NT5C2: variants seen among roughly 807,000 people sequenced by gnomAD.
The protein encoded by NT5C2 is cytosolic purine 5'-nucleotidase.
NT5C2 carries 58 observed loss-of-function variants against 76.1 expected under a neutral mutation model. The ratio of observed to expected loss-of-function variants is 0.76; its 90% CI spans 0.62 to 0.95. NT5C2 has a LOEUF of 0.95. Ranked by LOEUF, NT5C2 falls within the 40% of genes least tolerant of loss-of-function variation. NT5C2 has a pLI of 0.00. For synonymous variants in NT5C2, 229 were observed against 237.4 expected (o/e 0.96, Z 0.32); for missense variants, 478 against 690.3 (o/e 0.69, Z 3.45).
chr10:103,119,619 A>T (rs2075236241), intron 4 of NT5C2, among the ~76,000 whole-genome samples: 1 of 152,212 alleles, frequency 6.6e-6, no homozygotes, highest in South Asian at 2.1e-4. Flanking sequence ...ACTTTTCAAC[A>T]AATACATTCC....
At chr10:103,132,549 TTC>T (rs889549300) in intron 4 of NT5C2, among the ~76,000 whole-genome samples, 3 of 152,130 alleles carry the variant, frequency 2.0e-5, no homozygotes, top group African/African-American at 4.8e-5. Context: ...CTAAAGTAAT[TTC>T]TTTTTTTTTT....
chr10:103,094,544 A>C (rs2067690634), intron 12 of NT5C2, 89 bp from the exon 13 acceptor site: 2 of 730,998 alleles, frequency 2.7e-6, no homozygotes, highest in Non-Finnish European at 4.9e-6. Context: ...AGGAATATAA[A>C]AATACTAAGT....
intron 3 of NT5C2, among the ~76,000 whole-genome samples, chr10:103,171,198 A>G (rs1239195750): frequency 6.6e-6 from 1 of 152,220 alleles, no homozygotes; most frequent in Non-Finnish European, 1.5e-5. Flanking sequence ...CATGAGGCAA[A>G]TATCACCAGC....
chr10:103,171,037 T>A (rs546331471), intron 3 of NT5C2, among the ~76,000 whole-genome samples: 1 of 152,298 alleles, frequency 6.6e-6, no homozygotes, highest in South Asian at 2.1e-4. Context: ...AATGTTCTGT[T>A]TTATACTTTA....
intron 4 of NT5C2, among the ~76,000 whole-genome samples, chr10:103,136,587 A>G (rs996198562): frequency 1.3e-5 from 2 of 152,096 alleles, no homozygotes; most frequent in Non-Finnish European, 2.9e-5. Context: ...AGAAGAAATC[A>G]TAAGGTGCAT....
At chr10:103,141,903 C>G (rs1020320509) in intron 3 of NT5C2, among the ~76,000 whole-genome samples, 1 of 152,134 alleles carries the variant, frequency 6.6e-6, no homozygotes, top group Non-Finnish European at 1.5e-5. Context: ...TCAGTAAGTA[C>G]TATAAAATAA....
rs777511963 is a variant in NT5C2, at chr10:103,094,332, C to T, written c.921+16G>A. 9 of 1,457,066 alleles carry T rather than the reference C, an allele frequency of 6.2e-6. No individual in the cohort carries two copies. The highest frequency in any genetic ancestry group is 2.3e-5 in the South Asian group (2 of 87,882). 90.3% of individuals were successfully genotyped at this position (1,457,066 alleles called of 1,614,324 possible). On this transcript the variant is annotated intron_variant, in intron 13 of 18. Coordinates refer to ENST00000404739, the MANE Select transcript of NT5C2 (RefSeq NM_001351169.2). ...AGGACAATGTGCTAGCAAGACAGAT[C>T]ATTCTCATGACTTACAGTATCCACC...
At chr10:103,129,235 G>A (rs1192306672) in intron 4 of NT5C2, among the ~76,000 whole-genome samples, 12 of 98,558 alleles carry the variant, frequency 1.2e-4, no homozygotes, top group Admixed American at 5.5e-4. Context: ...CAGCCACCCC[G>A]TCCGGGAGGG....
chr10:103,156,108 T>G (rs2083312088), intron 3 of NT5C2, among the ~76,000 whole-genome samples: 1 of 151,894 alleles, frequency 6.6e-6, no homozygotes, highest in African/African-American at 2.4e-5. Flanking sequence ...CCACAGTGAG[T>G]TATGATCATG....
At chr10:103,181,697 G>A (rs182438197) in intron 1 of NT5C2, among the ~76,000 whole-genome samples, 1 of 152,252 alleles carries the variant, frequency 6.6e-6, no homozygotes, top group Non-Finnish European at 1.5e-5. Context: ...CGCCCAAACT[G>A]ATAAAAGTAT....
At chr10:103,173,611 C>CA (rs1323084034) in intron 3 of NT5C2, among the ~76,000 whole-genome samples, 3,776 of 42,688 alleles carry the variant, frequency 0.088, 128 homozygotes, top group South Asian at 0.19. Flanking sequence ...GACGCCGTCT[C>CA]AAAAAAAAAA....
In NT5C2 at chr10:103,093,278, T is replaced by C. The variant is rs1371079780; in HGVS notation, c.1020A>G (p.Gly340=). The C allele has an allele frequency of 1.2e-6, 2 of 1,606,206 alleles. No homozygotes were observed. The highest frequency in any genetic ancestry group is 1.7e-5 in the Admixed American group (1 of 58,714). ...TATACAAAATGTCTTTTCCCTTGGCTCCCAACAGGTCACAGATCGTATCAG... is the reference window on the plus strand; with the variant it reads ...TATACAAAATGTCTTTTCCCTTGGCCCCCAACAGGTCACAGATCGTATCAG... ...GSSDTICDLL[G]AKGKDILYIG... The change falls in exon 15 of 19, where the codon GGA becomes GGG. Residue 340 remains glycine (G), a synonymous_variant. Transcript: ENST00000404739.
chr10:103,100,967 A>AC (rs778989148), intron 8 of NT5C2, 78 bp downstream of exon 8: 2 of 856,442 alleles, frequency 2.3e-6, no homozygotes, highest in Non-Finnish European at 3.9e-6. Flanking sequence ...GAAAAGACCT[A>AC]CAATGGCCAG....
At chr10:103,091,089 C>CA in intron 16 of NT5C2, 93 bp from the exon 17 acceptor site, 1 of 1,152,218 alleles carries the variant, frequency 8.7e-7, no homozygotes, top group East Asian at 2.4e-5. Flanking sequence ...GGCTGGAGTG[C>CA]AGGGGTGTGA....
chr10:103,142,461 A>C (rs1336504819), intron 3 of NT5C2, among the ~76,000 whole-genome samples: 1 of 152,114 alleles, frequency 6.6e-6, no homozygotes, highest in Non-Finnish European at 1.5e-5. Flanking sequence ...GCTTGAGCAC[A>C]GGAGTTCGAA....
intron 2 of NT5C2, among the ~76,000 whole-genome samples, chr10:103,179,724 A>G (rs753202205): frequency 6.6e-6 from 1 of 152,190 alleles, no homozygotes; most frequent in Non-Finnish European, 1.5e-5. Flanking sequence ...TAAAACAAAC[A>G]ATAAACCAAC....
intron 4 of NT5C2, among the ~76,000 whole-genome samples, chr10:103,128,934 G>A (rs2077284476): frequency 9.6e-6 from 1 of 104,582 alleles, no homozygotes; most frequent in Non-Finnish European, 2.1e-5. Flanking sequence ...GGGAAGTGAG[G>A]AGCATCTCCG....
chr10:103,121,238 G>A (rs370219452), intron 4 of NT5C2, among the ~76,000 whole-genome samples: 2 of 152,198 alleles, frequency 1.3e-5, no homozygotes. Flanking sequence ...TGTGCTTAAT[G>A]CCATTGAATT....
intron 3 of NT5C2, among the ~76,000 whole-genome samples, chr10:103,168,880 G>A (rs1461177135): frequency 1.3e-5 from 2 of 152,158 alleles, no homozygotes; most frequent in African/African-American, 4.8e-5. Context: ...ATAATGATCA[G>A]CATAGCCTAA....
Sources: allele counts gnomAD v4.1 joint callset (sites outside exome capture counted in the v4.1 genomes callset), GRCh38; gene constraint gnomAD v4.1.1; transcripts MANE v1.5; gene names NCBI Gene and HGNC (gene_info 2026-07-23, HGNC 2026-07-21).